The following TANC1 variants were observed in gnomAD, a reference collection of about 807,000 sequenced individuals.
TANC1 encodes tetratricopeptide repeat, ankyrin repeat and coiled-coil containing 1.
A neutral mutation model predicts 149.7 loss-of-function variants in TANC1; 77 were observed. That is an observed-to-expected ratio of 0.51 (90% CI 0.43 to 0.62). The LOEUF (loss-of-function observed/expected upper bound fraction) is 0.62. TANC1 is among the 20% of genes least tolerant of loss of function. The pLI is 0.00. For missense variants in TANC1, 1,985 were observed against 2,321.8 expected (o/e 0.85, Z 2.98); for synonymous variants, 854 against 925.0 (o/e 0.92, Z 1.39).
intron 16 of TANC1, among the ~76,000 whole-genome samples, chr2:159,188,412 C>T (rs1467539281): frequency 6.6e-6 from 1 of 152,228 alleles, no homozygotes; most frequent in Non-Finnish European, 1.5e-5. Flanking sequence ...ATGTTGTCTC[C>T]TGTGGCCAGG....
chr2:159,025,189 T>TTTCCTTTCTTTCTTTCTTTC (rs1553519914), intron 2 of TANC1, among the ~76,000 whole-genome samples: 8 of 105,286 alleles, frequency 7.6e-5, no homozygotes, highest in Admixed American at 3.3e-4. Flanking sequence ...TTTTTCTTTC[T>TTTCCTTTCTTTCTTTCTTTC]TTTCTTTCTT....
chr2:159,033,350 A>G (rs1339499768), intron 2 of TANC1, among the ~76,000 whole-genome samples: 1 of 152,210 alleles, frequency 6.6e-6, no homozygotes, highest in African/African-American at 2.4e-5. Context: ...AGCACAACTG[A>G]GGAACTCATT....
chr2:159,015,896 CA>C (rs2038219626), intron 2 of TANC1, among the ~76,000 whole-genome samples: 1 of 152,172 alleles, frequency 6.6e-6, no homozygotes, highest in African/African-American at 2.4e-5. Flanking sequence ...TGGTCAAAGC[CA>C]TTCAACAAGT....
chr2:159,027,241 T>G (rs1437575845), intron 2 of TANC1: 5 of 152,218 alleles, frequency 3.3e-5, no homozygotes, highest in Non-Finnish European at 7.3e-5. Context: ...ATTTCTTTGC[T>G]CTCATATATC....
chr2:159,227,571 C>G, intron 24 of TANC1: 1 of 494,318 alleles, frequency 2.0e-6, no homozygotes, highest in African/African-American at 2.0e-5. Flanking sequence ...TTACAGACAC[C>G]TTATTGTAAA....
At chr2:159,225,174 T>C (rs913835206) in intron 23 of TANC1, 40 of 164,376 alleles carry the variant, frequency 2.4e-4, no homozygotes, top group Admixed American at 7.3e-4. Context: ...CGTGGGGACC[T>C]AGCAGCTGGC....
intron 1 of TANC1, among the ~76,000 whole-genome samples, chr2:158,983,158 A>G (rs2034564831): frequency 6.6e-6 from 1 of 152,142 alleles, no homozygotes; most frequent in Admixed American, 6.5e-5. Flanking sequence ...ATAGAGGAGA[A>G]GGAGTAAGAG....
chr2:159,002,227 G>C lies in TANC1; in HGVS notation c.-16+1038G>C, dbSNP rs536844751. On this transcript the variant is annotated intron_variant, in intron 2 of 26. Transcript: ENST00000263635. ...CAGTGTGGACATGAGTTCAGCCTGG[G>C]TGCCTCTTCTCATCTTCCTCCTGAA... 1.9e-4 allele frequency among the ~76,000 whole-genome samples: 29 copies of C among 152,334 alleles called. 1 individual carries two copies. Among genetic ancestry groups the C allele is most frequent in the African/African-American group, 6.7e-4 (28 of 41,582 alleles).
intron 1 of TANC1, among the ~76,000 whole-genome samples, chr2:158,994,639 T>C (rs1450444323): frequency 6.6e-6 from 1 of 152,210 alleles, no homozygotes; most frequent in African/African-American, 2.4e-5. Context: ...CAAATCTAGA[T>C]GTTCGTGTCT....
At position 159,108,498 on chromosome 2, in the gene TANC1, A is replaced by G. The variant is rs540285341; in HGVS notation, c.259+10664A>G. Reference sequence around the variant, plus strand: ...AATGTTTTCACCTCAGAGAAAATAGATGAGGGCAGGGGCCTTGGTGGTGGA... The same window carrying G: ...AATGTTTTCACCTCAGAGAAAATAGGTGAGGGCAGGGGCCTTGGTGGTGGA... On this transcript the variant is annotated intron_variant, in intron 4 of 26. Coordinates refer to ENST00000263635, the MANE Select transcript of TANC1 (RefSeq NM_033394.3). Among the ~76,000 whole-genome samples the G allele has an allele frequency of 2.0e-5, 3 of 152,304 alleles. No individual in the cohort carries two copies. In the East Asian group the frequency reaches 5.8e-4, roughly 29 times the overall value.
At chr2:159,065,565 A>G (rs2042583136) in intron 2 of TANC1, among the ~76,000 whole-genome samples, 1 of 151,060 alleles carries the variant, frequency 6.6e-6, no homozygotes, top group South Asian at 2.1e-4. Flanking sequence ...AAACTGTGCC[A>G]AATATCTTGC....
At chr2:159,035,046 G>A (rs1009571410) in intron 2 of TANC1, among the ~76,000 whole-genome samples, 9 of 152,194 alleles carry the variant, frequency 5.9e-5, no homozygotes, top group African/African-American at 2.2e-4. Context: ...CCTTTGTCTT[G>A]TGGTCTGAGG....
intron 2 of TANC1, among the ~76,000 whole-genome samples, chr2:159,021,899 A>C (rs1004347398): frequency 6.6e-6 from 1 of 152,230 alleles, no homozygotes; most frequent in Non-Finnish European, 1.5e-5. Context: ...TTGAGGAAGA[A>C]TGGAGAAATC....
chr2:159,197,650 CAT>C (rs1206162500), intron 18 of TANC1, among the ~76,000 whole-genome samples: 2 of 152,026 alleles, frequency 1.3e-5, no homozygotes, highest in African/African-American at 4.8e-5. Context: ...GTTAAACACA[CAT>C]ATGAAAATGT....
chr2:159,034,692 C>T (rs145812755), intron 2 of TANC1, among the ~76,000 whole-genome samples: 26 of 152,320 alleles, frequency 1.7e-4, no homozygotes, highest in African/African-American at 6.0e-4. Context: ...AAATGTAGGA[C>T]AGATCCCCAT....
intron 2 of TANC1, among the ~76,000 whole-genome samples, chr2:159,048,920 C>T (rs1328950778): frequency 6.6e-6 from 1 of 152,174 alleles, no homozygotes; most frequent in African/African-American, 2.4e-5. Flanking sequence ...CATGAGCCAC[C>T]ACAATTGGCC....
At chr2:159,215,603 C>T (rs113726856) in intron 19 of TANC1, among the ~76,000 whole-genome samples, 289 of 152,282 alleles carry the variant, frequency 1.9e-3, no homozygotes, top group African/African-American at 6.4e-3. Flanking sequence ...ATCACTGAGC[C>T]CTTGGCTCCC....
chr2:159,214,035 A>G (rs1368799385), intron 19 of TANC1, among the ~76,000 whole-genome samples: 1 of 150,998 alleles, frequency 6.6e-6, no homozygotes, highest in African/African-American at 2.4e-5. Flanking sequence ...CTGAGGCAGG[A>G]GAATCCCTGA....
chr2:159,187,752 C>T (rs532809970), intron 16 of TANC1, among the ~76,000 whole-genome samples: 2 of 152,314 alleles, frequency 1.3e-5, no homozygotes, highest in East Asian at 3.9e-4. Flanking sequence ...CCGAATCACT[C>T]ACATTGTTTC....
Sources: allele counts gnomAD v4.1 joint callset (sites outside exome capture counted in the v4.1 genomes callset), GRCh38; gene constraint gnomAD v4.1.1; transcripts MANE v1.5; gene names NCBI Gene and HGNC (gene_info 2026-07-23, HGNC 2026-07-21).